Variants in SLC7A7 observed in about 807,000 individuals in gnomAD.
The protein encoded by SLC7A7 is Y+L amino acid transporter 1.
Under a neutral mutation model 47.9 loss-of-function variants are expected in SLC7A7, and 39 were observed. The ratio of observed to expected loss-of-function variants is 0.81; its 90% CI spans 0.63 to 1.06. The LOEUF (loss-of-function observed/expected upper bound fraction) is 1.06, where lower values mean the gene tolerates loss of function less well. Among genes scored for constraint, SLC7A7 ranks in the 50% least tolerant of loss-of-function variants. The pLI, the probability that SLC7A7 is intolerant of heterozygous loss-of-function variation, is 0.00. For synonymous variants in SLC7A7, 234 were observed against 242.8 expected, an observed-to-expected ratio of 0.96 and a Z score of 0.34; for missense variants, 588 against 632.0, an observed-to-expected ratio of 0.93 and a Z score of 0.75.
intron 1 of SLC7A7, 69 bp downstream of exon 1, chr14:22,815,251 C>A: frequency 4.8e-6 from 2 of 417,244 alleles, no homozygotes; most frequent in Non-Finnish European, 9.7e-6. Flanking sequence ...CGATTAGACA[C>A]TGCACAGCAG....
At chr14:22,782,461 T>C (rs1454826105) in intron 2 of SLC7A7, among the ~76,000 whole-genome samples, 1 of 149,940 alleles carries the variant, frequency 6.7e-6, no homozygotes, top group South Asian at 2.1e-4. Flanking sequence ...TATTTATTTA[T>C]TTATTTTATT....
At chr14:22,790,722 G>A (rs1280218497) in intron 2 of SLC7A7, among the ~76,000 whole-genome samples, 4 of 152,046 alleles carry the variant, frequency 2.6e-5, no homozygotes, top group South Asian at 2.1e-4. Flanking sequence ...AATACGGGCC[G>A]GGCACAGTGG....
intron 2 of SLC7A7, among the ~76,000 whole-genome samples, chr14:22,798,314 GAAGGAGAAGGAGGAA>G (rs976273971): frequency 6.6e-6 from 1 of 151,894 alleles, no homozygotes; most frequent in Non-Finnish European, 1.5e-5. Context: ...AGAAGAAGAA[GAAGGAGAAGGAGGAA>G]AAGGAGAAGG....
chr14:22,792,884 A>AGAGAGAGAGG (rs2038948559), intron 2 of SLC7A7, among the ~76,000 whole-genome samples: 1 of 146,388 alleles, frequency 6.8e-6, no homozygotes, highest in Non-Finnish European at 1.5e-5. Flanking sequence ...AGAGAGAGAG[A>AGAGAGAGAGG]GAGAGAGAGA....
At chr14:22,810,955 G>A (rs2138655352) in intron 2 of SLC7A7, among the ~76,000 whole-genome samples, 1 of 152,272 alleles carries the variant, frequency 6.6e-6, no homozygotes, top group East Asian at 1.9e-4. Flanking sequence ...TCCAGCCTGG[G>A]CAACAAGAGT....
At chr14:22,799,287 T>C (rs1262813932) in intron 2 of SLC7A7, among the ~76,000 whole-genome samples, 2 of 151,628 alleles carry the variant, frequency 1.3e-5, no homozygotes, top group Non-Finnish European at 2.9e-5. Flanking sequence ...TCCACCTATC[T>C]CTCTAGATGC....
upstream of SLC7A7, chr14:22,817,129 ATTT>A (rs1368748283): frequency 2.0e-5 from 2 of 100,378 alleles, no homozygotes; most frequent in Non-Finnish European, 2.1e-5. Context: ...CCTTCCTTTT[ATTT>A]TTTTTTTTTT....
chr14:22,792,806 C>T (rs1009766013), intron 2 of SLC7A7, among the ~76,000 whole-genome samples: 5 of 136,570 alleles, frequency 3.7e-5, no homozygotes, highest in Admixed American at 7.7e-5. Flanking sequence ...TGCAGTGAGC[C>T]GAGATTGCAC....
At chr14:22,775,408 A>T (rs1718131172) in intron 7 of SLC7A7, 36 bp downstream of exon 7, 2 of 1,543,712 alleles carry the variant, frequency 1.3e-6, no homozygotes, top group Non-Finnish European at 9.0e-7. Context: ...TTTCCCCCGC[A>T]ATCTGGCTTT....
At chr14:22,787,328 C>T (rs886922243) in intron 2 of SLC7A7, among the ~76,000 whole-genome samples, 24 of 151,854 alleles carry the variant, frequency 1.6e-4, no homozygotes, top group African/African-American at 5.1e-4. Flanking sequence ...CCCAGCTACT[C>T]GGGAGGCTGA....
intron 2 of SLC7A7, 151 bp from the exon 3 acceptor site, chr14:22,780,202 G>A: frequency 2.0e-6 from 2 of 1,008,654 alleles, no homozygotes; most frequent in Non-Finnish European, 2.9e-6. Flanking sequence ...GAACCCTCGG[G>A]GCCCCAGAAT....
rs912507107 is a variant in SLC7A7, at chr14:22,791,890, A to G, written c.500-11839T>C. The stretch of plus-strand genomic sequence containing the variant: ...CGCTCTGTCGCCCAGGCTGGAGTGC[A>G]GTGGCGCCATCTCGGCTCACTGCAA... On this transcript the variant is annotated intron_variant, in intron 2 of 9. Transcript: ENST00000674313. Among the ~76,000 whole-genome samples the G allele has an allele frequency of 1.0e-4, 15 of 143,520 alleles. No individual in the cohort carries two copies. The East Asian group carries it at 3.1e-3, about 29-fold the overall frequency. The allele number at this position is 143,520 out of a possible 152,430, so 94.2% of individuals were successfully genotyped here.
At chr14:22,777,518 C>T (rs1454776098) in intron 4 of SLC7A7, among the ~76,000 whole-genome samples, 1 of 152,116 alleles carries the variant, frequency 6.6e-6, no homozygotes, top group East Asian at 1.9e-4. Flanking sequence ...CTCAAGGTCC[C>T]TGTAGCCCAA....
rs190473770 is a variant in SLC7A7, at chr14:22,793,139, G to C, written c.500-13088C>G. ...TCACCGTGTTAGCCAGGATGGTCTCGATCTCCTGACCTCGTAATCCGCCCG... is the reference window on the plus strand; with the variant it reads ...TCACCGTGTTAGCCAGGATGGTCTCCATCTCCTGACCTCGTAATCCGCCCG... On this transcript the variant is annotated intron_variant, in intron 2 of 9. Coordinates refer to ENST00000674313, the MANE Select transcript of SLC7A7 (RefSeq NM_003982.4). Among the ~76,000 whole-genome samples, 368 of 151,778 alleles carry C rather than the reference G, an allele frequency of 2.4e-3. 2 individuals are homozygous for C. The highest frequency in any genetic ancestry group is 6.6e-3 in the African/African-American group (274 of 41,464).
chr14:22,777,584 C>T (rs1393229757), intron 4 of SLC7A7, among the ~76,000 whole-genome samples: 1 of 151,948 alleles, frequency 6.6e-6, no homozygotes. Context: ...AAAAAAAGCA[C>T]AAAGTGGGGC....
At chr14:22,809,056 C>T (rs896556323) in intron 2 of SLC7A7, among the ~76,000 whole-genome samples, 1 of 152,266 alleles carries the variant, frequency 6.6e-6, no homozygotes, top group Admixed American at 6.5e-5. Context: ...GCACCTTTCA[C>T]TCTATCAGAG....
chr14:22,778,931 G>A lies in SLC7A7; in HGVS notation c.632C>T (p.Ser211Phe), dbSNP rs1022076011. Residue 211 changes from serine to phenylalanine, a missense_variant, in exon 4 of 10, where the codon TCT (serine) becomes TTT (phenylalanine). Transcript: ENST00000674313. ...AGIVRLGQGA[S>F]THFENSFEGS... ...CTCAAAGGAATTCTCAAAATGAGTA[G>A]AGGCTCCTGGAACCCAAGAACATTG... is the stretch of plus-strand genomic sequence containing the variant. The A allele has an allele frequency of 2.5e-6, 4 of 1,613,814 alleles. No individual in the cohort carries two copies. The highest frequency in any genetic ancestry group is 1.7e-6 in the Non-Finnish European group (2 of 1,180,038).
chr14:22,775,903 A>G lies in SLC7A7; in HGVS notation c.928T>C (p.Trp310Arg). 1 of 1,614,102 alleles carries G rather than the reference A, an allele frequency of 6.2e-7. No homozygotes were observed. The highest frequency in any genetic ancestry group is 1.1e-5 in the South Asian group (1 of 91,080). The change falls in exon 6 of 10, where the codon TGG becomes CGG. Residue 310 changes from tryptophan (W) to arginine (R), a missense_variant. Physicochemically the swap from Trp to Arg is moderately radical, Grantham distance 101. Coordinates refer to ENST00000674313, the MANE Select transcript of SLC7A7 (RefSeq NM_003982.4). Reference sequence around the variant, plus strand: ...AATGCAACTGACAGTGGAATTATCCAGTTAAATATTCCAAATATCTGATCT... The same window carrying G: ...AATGCAACTGACAGTGGAATTATCCGGTTAAATATTCCAAATATCTGATCT... ...FADQIFGIFN[W>R]IIPLSVALSC...
chr14:22,780,774 G>C (rs1039708655), intron 2 of SLC7A7, among the ~76,000 whole-genome samples: 1 of 152,162 alleles, frequency 6.6e-6, no homozygotes, highest in Non-Finnish European at 1.5e-5. Flanking sequence ...CCTCCATGAG[G>C]CTCGAAATTC....
Sources: gnomAD v4.1 joint callset for allele counts (sites outside exome capture counted in the v4.1 genomes callset) on GRCh38, gnomAD v4.1.1 for gene constraint, MANE v1.5 for transcripts, NCBI Gene and HGNC (gene_info 2026-07-23, HGNC 2026-07-21) for gene names.